The following GSG1 variants were observed in gnomAD, a reference collection of about 807,000 sequenced individuals.
GSG1 encodes germ cell-specific gene 1 protein.
GSG1 carries 28 observed loss-of-function variants against 30.8 expected under a neutral mutation model. The ratio of observed to expected loss-of-function variants is 0.91; its 90% CI spans 0.67 to 1.25. The LOEUF is 1.25. Ranked by LOEUF, GSG1 falls within the 50% of genes most tolerant of loss-of-function variation. The pLI, the probability that GSG1 is intolerant of heterozygous loss-of-function variation, is 0.00. For synonymous variants in GSG1, 162 were observed against 178.0 expected (o/e 0.91, Z 0.71); for missense variants, 435 against 444.7 (o/e 0.98, Z 0.20).
At chr12:13,092,240 T>G (rs1312985793) in intron 1 of GSG1, among the ~76,000 whole-genome samples, 2 of 147,838 alleles carry the variant, frequency 1.4e-5, no homozygotes, top group Non-Finnish European at 3.0e-5. Flanking sequence ...CTAGGGAGGA[T>G]GTATGTGTGT....
At chr12:13,096,347 GCCTGTAGTC>G (rs1866658843) in intron 1 of GSG1, among the ~76,000 whole-genome samples, 1 of 151,978 alleles carries the variant, frequency 6.6e-6, no homozygotes, top group Non-Finnish European at 1.5e-5. Flanking sequence ...GGTGGCGGGT[GCCTGTAGTC>G]CCAGCTACTC....
At chr12:13,097,938 TC>T (rs1862853883) in intron 1 of GSG1, among the ~76,000 whole-genome samples, 1 of 152,214 alleles carries the variant, frequency 6.6e-6, no homozygotes, top group South Asian at 2.1e-4. Flanking sequence ...TTTGAATTAG[TC>T]CACGTTCTAG....
intron 1 of GSG1, chr12:13,095,711 C>T (rs750847823): frequency 2.3e-5 from 37 of 1,581,432 alleles, no homozygotes; most frequent in Admixed American, 3.7e-5. Context: ...TCCTACCCTC[C>T]TCCCTCTCCT....
chr12:13,094,240 T>C (rs1029072917), intron 1 of GSG1, among the ~76,000 whole-genome samples: 2 of 152,244 alleles, frequency 1.3e-5, no homozygotes, highest in African/African-American at 4.8e-5. Context: ...CTTCAGAATT[T>C]CCAGGGACTA....
At chr12:13,089,686 C>T (rs922640643) in intron 2 of GSG1, among the ~76,000 whole-genome samples, 157 of 152,252 alleles carry the variant, frequency 1.0e-3, no homozygotes, top group African/African-American at 3.6e-3. Context: ...TACTTTGGGG[C>T]CAGGAAGAGG....
At chr12:13,085,959 A>T (rs1020044987) in intron 6 of GSG1, among the ~76,000 whole-genome samples, 1 of 152,226 alleles carries the variant, frequency 6.6e-6, no homozygotes, top group Non-Finnish European at 1.5e-5. Flanking sequence ...AAAAGAAGAC[A>T]TTAGGCAACC....
chr12:13,103,374 A>C, intron 1 of GSG1, 91 bp downstream of exon 1: 1 of 936,826 alleles, frequency 1.1e-6, no homozygotes, highest in Admixed American at 1.7e-5. Flanking sequence ...AAATACATGA[A>C]ATTGATGAGT....
At chr12:13,087,384 C>T (rs2066430695) in intron 5 of GSG1, 121 bp from the exon 6 acceptor site, 1 of 657,844 alleles carries the variant, frequency 1.5e-6, no homozygotes, top group Non-Finnish European at 2.7e-6. Flanking sequence ...TAGCCCATTA[C>T]CCTATGCCAC....
At chr12:13,088,266 C>A (rs1246226420) in intron 4 of GSG1, among the ~76,000 whole-genome samples, 2 of 151,166 alleles carry the variant, frequency 1.3e-5, no homozygotes, top group African/African-American at 2.4e-5. Flanking sequence ...CCAATATATA[C>A]CCAAGTAAGC....
intron 1 of GSG1, among the ~76,000 whole-genome samples, chr12:13,091,857 A>G (rs1866179914): frequency 6.6e-6 from 1 of 152,212 alleles, no homozygotes; most frequent in Admixed American, 6.5e-5. Context: ...TGAAACTACG[A>G]TCAAATAAAC....
At chr12:13,097,533 A>G (rs1379120347) in intron 1 of GSG1, among the ~76,000 whole-genome samples, 1 of 152,146 alleles carries the variant, frequency 6.6e-6, no homozygotes, top group Non-Finnish European at 1.5e-5. Context: ...TCTGTATTCC[A>G]TTATAACTAC....
At chr12:13,088,674 C>T in intron 4 of GSG1, 188 bp downstream of exon 4, 3 of 1,422,218 alleles carry the variant, frequency 2.1e-6, no homozygotes, top group Non-Finnish European at 2.9e-6. Flanking sequence ...GATCACAGTG[C>T]AGTTTAGATC....
In GSG1 at chr12:13,101,332, G is replaced by T. The variant is rs543681533; in HGVS notation, c.48+2133C>A. ...GCCTAGCAGCGGGGCGCGTTGCCGCGGCGACAGGCCGGCCGTGTTTGGCAT... is the reference window on the plus strand; with the variant it reads ...GCCTAGCAGCGGGGCGCGTTGCCGCTGCGACAGGCCGGCCGTGTTTGGCAT... On this transcript the variant is annotated intron_variant, in intron 1 of 6. Coordinates refer to ENST00000651961, the MANE Select transcript of GSG1 (RefSeq NM_001080555.4). This position sits in a 1 kb window ranked among gnomAD's most constrained non-coding sequence, Gnocchi z 5.8. 2.6e-5 allele frequency among the ~76,000 whole-genome samples: 4 copies of T among 152,332 alleles called. No individual in the cohort carries two copies. In the South Asian group the frequency reaches 6.2e-4, roughly 24 times the overall value.
intron 5 of GSG1, 47 bp downstream of exon 5, chr12:13,087,860 A>G (rs752546274): frequency 1.1e-5 from 17 of 1,592,982 alleles, no homozygotes; most frequent in Middle Eastern, 2.0e-4. Context: ...TAGGGCTTCA[A>G]AAGTGGCCAG....
At position 13,101,940 on chromosome 12, in the gene GSG1, T is replaced by C. The variant is rs576171836; in HGVS notation, c.48+1525A>G. On this transcript the variant is annotated intron_variant, in intron 1 of 6. Transcript: ENST00000651961. This position sits in a 1 kb window ranked among gnomAD's most constrained non-coding sequence, Gnocchi z 5.8. ...GGTTAAATTTACCCTCAGGGGTAAA[T>C]GAGGGCAAAGAGTTGTCCTTCTTAG... Among the ~76,000 whole-genome samples the C allele has an allele frequency of 6.6e-6, 1 of 152,278 alleles. No homozygotes were observed. The highest frequency in any genetic ancestry group is 2.1e-4 in the South Asian group (1 of 4,820).
At chr12:13,095,566 A>G in intron 1 of GSG1, 1 of 1,600,446 alleles carries the variant, frequency 6.2e-7, no homozygotes, top group Non-Finnish European at 8.6e-7. Flanking sequence ...TGTAGACTGC[A>G]TCCTTTGAGC....
At position 13,093,218 on chromosome 12, in the gene GSG1, T is replaced by C. The variant is rs761451873; in HGVS notation, c.49-2400A>G. ...GAAAAGTTTTATGTAAAGTCTAAAC[T>C]TTATATAAAAGTTTAGAAAAAAGAA... On this transcript the variant is annotated intron_variant, in intron 1 of 6. Coordinates refer to ENST00000651961, the MANE Select transcript of GSG1 (RefSeq NM_001080555.4). The surrounding 1 kb of genome is among the most constrained non-coding windows in gnomAD (Gnocchi z 4.6). Among the ~76,000 whole-genome samples the C allele has an allele frequency of 1.3e-5, 2 of 152,158 alleles. No individual in the cohort carries two copies. The highest frequency in any genetic ancestry group is 2.9e-5 in the Non-Finnish European group (2 of 68,030).
In GSG1 at chr12:13,089,282, T is replaced by G. The variant is rs1035942426; in HGVS notation, c.365-6A>C. On this transcript the variant is annotated splice_region_variant and splice_polypyrimidine_tract_variant and intron_variant, in intron 2 of 6. Transcript: ENST00000651961. ...GGACTGGGGATGGAGCAGTGCTAAG[T>G]GGCACAATAATAAATATAAATGTAA... 3 of 1,552,892 alleles carry G rather than the reference T, an allele frequency of 1.9e-6. No homozygotes were observed. The highest frequency in any genetic ancestry group is 3.4e-4 in the Middle Eastern group (2 of 5,960).
intron 1 of GSG1, among the ~76,000 whole-genome samples, chr12:13,096,712 T>C (rs115013845): frequency 0.014 from 2,145 of 152,198 alleles, 55 homozygotes; most frequent in African/African-American, 0.049. Flanking sequence ...GAAAAAGTAA[T>C]CTAAGAAACC....
Sources: gnomAD v4.1 joint callset for allele counts (sites outside exome capture counted in the v4.1 genomes callset) on GRCh38, gnomAD v4.1.1 for gene constraint, Gnocchi (gnomAD v3.1) non-coding constraint, MANE v1.5 for transcripts, NCBI Gene and HGNC (gene_info 2026-07-23, HGNC 2026-07-21) for gene names.